Variants in FIRRM observed in about 807,000 individuals in gnomAD.
FIRRM encodes the protein FIGNL1 interacting regulator of recombination and mitosis.
chr1:169,827,934 T>C, the FIRRM span: 1 of 1,360,252 alleles, frequency 7.4e-7, no homozygotes, highest in Non-Finnish European at 1.0e-6. Context: ...GTGTTTTTTT[T>C]TTAAATCAGA....
chr1:169,834,213 T>C, the FIRRM span, among the ~76,000 whole-genome samples: 3 of 152,198 alleles, frequency 2.0e-5, no homozygotes, highest in Non-Finnish European at 2.9e-5. Flanking sequence ...CTATCAGATA[T>C]GTAAATTATA....
the FIRRM span, chr1:169,843,763 A>G: frequency 3.2e-6 from 5 of 1,585,686 alleles, no homozygotes; most frequent in Non-Finnish European, 4.3e-6. Context: ...CTAAACTGAT[A>G]CTTCAGGTAA....
At chr1:169,805,891 G>A in the FIRRM span, 38 of 653,768 alleles carry the variant, frequency 5.8e-5, no homozygotes, top group Non-Finnish European at 9.1e-5. Context: ...GTTGTGTTAC[G>A]TATTTTAATT....
At chr1:169,817,862 C>T in the FIRRM span, among the ~76,000 whole-genome samples, 46 of 152,220 alleles carry the variant, frequency 3.0e-4, no homozygotes, top group Non-Finnish European at 6.5e-4. Flanking sequence ...TTATTGCTCT[C>T]AGGAAATCCT....
At chr1:169,821,647 A>C in the FIRRM span, 1 of 1,453,118 alleles carries the variant, frequency 6.9e-7, no homozygotes, top group South Asian at 1.3e-5. Flanking sequence ...TTTCTTATTT[A>C]TTATGCTTTC....
the FIRRM span, chr1:169,852,235 A>G: frequency 2.7e-6 from 1 of 371,492 alleles, no homozygotes; most frequent in Non-Finnish European, 4.9e-6. Context: ...AAGAAAATGA[A>G]AGAAACTTAC....
the FIRRM span, chr1:169,799,016 C>A: frequency 3.0e-6 from 2 of 673,268 alleles, no homozygotes; most frequent in Non-Finnish European, 5.0e-6. Context: ...CGAGTCCCCA[C>A]ATACCTCGGT....
At chr1:169,840,404 A>G in the FIRRM span, among the ~76,000 whole-genome samples, 2 of 151,912 alleles carry the variant, frequency 1.3e-5, no homozygotes, top group East Asian at 1.9e-4. Flanking sequence ...TTCTTTTAGC[A>G]ATGTTTTATA....
At chr1:169,851,783 T>C in the FIRRM span, 2 of 1,606,818 alleles carry the variant, frequency 1.2e-6, no homozygotes, top group Non-Finnish European at 1.7e-6. Context: ...GCTAACATGT[T>C]GCTATTTGCT....
the FIRRM span, among the ~76,000 whole-genome samples, chr1:169,810,591 C>A: frequency 6.6e-6 from 1 of 151,930 alleles, no homozygotes; most frequent in Non-Finnish European, 1.5e-5. Context: ...AAGGGCATAC[C>A]TTACTTTAAT....
chr1:169,837,521 GAAT>G, the FIRRM span, among the ~76,000 whole-genome samples: 1 of 152,118 alleles, frequency 6.6e-6, no homozygotes, highest in Non-Finnish European at 1.5e-5. Context: ...TAAAATAATG[GAAT>G]AATAAGAGAC....
At chr1:169,842,557 TC>T in the FIRRM span, 1 of 1,605,794 alleles carries the variant, frequency 6.2e-7, no homozygotes, top group Non-Finnish European at 8.5e-7. Context: ...AAGCAACTGA[TC>T]CTTTCCTTAT....
chr1:169,814,551 T>A, the FIRRM span, among the ~76,000 whole-genome samples: 1 of 152,234 alleles, frequency 6.6e-6, no homozygotes, highest in Admixed American at 6.5e-5. Flanking sequence ...AAAAAGTTAT[T>A]GCTTGAGGTG....
chr1:169,847,865 T>A, the FIRRM span: 3 of 1,154,648 alleles, frequency 2.6e-6, no homozygotes, highest in Non-Finnish European at 3.7e-6. Flanking sequence ...AGTTAGTGAT[T>A]AAGGGATTTT....
At chr1:169,798,320 T>G in the FIRRM span, among the ~76,000 whole-genome samples, 12 of 150,060 alleles carry the variant, frequency 8.0e-5, no homozygotes, top group East Asian at 2.4e-3. Flanking sequence ...TATGCTGGAG[T>G]GCAATGGCGC....
chr1:169,817,790 AC>A, the FIRRM span, among the ~76,000 whole-genome samples: 5 of 152,218 alleles, frequency 3.3e-5, no homozygotes, highest in African/African-American at 1.2e-4. Context: ...AATCAATATA[AC>A]CATAAGGTAA....
chr1:169,840,984 A>G, the FIRRM span, among the ~76,000 whole-genome samples: 1 of 151,996 alleles, frequency 6.6e-6, no homozygotes, highest in Non-Finnish European at 1.5e-5. Context: ...TTTCAATACT[A>G]TGTTGAATAG....
At chr1:169,832,348 T>TTC in the FIRRM span, 4 of 1,070,558 alleles carry the variant, frequency 3.7e-6, no homozygotes, top group South Asian at 5.2e-5. Flanking sequence ...TTTTGGCATA[T>TTC]TCTCTTCTTG....
the FIRRM span, among the ~76,000 whole-genome samples, chr1:169,842,255 T>A: frequency 6.6e-6 from 1 of 152,160 alleles, no homozygotes; most frequent in South Asian, 2.1e-4. Flanking sequence ...TATATACTTG[T>A]GTTAAATAGC....
Sources: gnomAD v4.1 joint callset for allele counts (sites outside exome capture counted in the v4.1 genomes callset) on GRCh38, gnomAD v4.1.1 for gene constraint, MANE v1.5 for transcripts, NCBI Gene and HGNC (gene_info 2026-07-23, HGNC 2026-07-21) for gene names.